The following NPLOC4 variants were observed in gnomAD, a reference collection of about 807,000 sequenced individuals.
NPLOC4 encodes the protein NPL4 homolog, ubiquitin recognition factor.
A neutral mutation model predicts 80.6 loss-of-function variants in NPLOC4; 18 were observed. The ratio of observed to expected loss-of-function variants is 0.22; its 90% CI spans 0.15 to 0.33. NPLOC4 has a LOEUF of 0.33. Among genes scored for constraint, NPLOC4 ranks in the 10% least tolerant of loss-of-function variants. The pLI is 1.00. For synonymous variants in NPLOC4, 313 were observed against 301.5 expected (o/e 1.04, Z -0.39); for missense variants, 540 against 786.1 (o/e 0.69, Z 3.74).
rs1181609765 is a variant in NPLOC4, at chr17:81,589,501, G to A, written c.1121-397C>T. ...TGCAGTGAGCCGAGATTGTGCCGCTGCACTCCAGCCTGGGTGACAGACTCC... is the reference window on the plus strand; with the variant it reads ...TGCAGTGAGCCGAGATTGTGCCGCTACACTCCAGCCTGGGTGACAGACTCC... On this transcript the variant is annotated intron_variant, in intron 11 of 16. Coordinates refer to ENST00000331134, the MANE Select transcript of NPLOC4 (RefSeq NM_017921.4). Among the ~76,000 whole-genome samples, 3 of 149,756 alleles carry A rather than the reference G, an allele frequency of 2.0e-5. No individual in the cohort carries two copies. In the East Asian group the frequency reaches 5.9e-4, roughly 29 times the overall value.
At chr17:81,636,530 G>A (rs947108702) in intron 1 of NPLOC4, 7 of 179,512 alleles carry the variant, frequency 3.9e-5, no homozygotes, top group Admixed American at 1.9e-4. Context: ...TAGGATAAGA[G>A]GTGTCCCTGG....
chr17:81,615,203 G>A (rs371526150), intron 3 of NPLOC4, among the ~76,000 whole-genome samples: 9 of 149,302 alleles, frequency 6.0e-5, no homozygotes, highest in East Asian at 2.0e-4. Context: ...GGGTTTAAGC[G>A]ATTCTCCTGC....
At chr17:81,626,972 C>T (rs1453797745) in intron 2 of NPLOC4, among the ~76,000 whole-genome samples, 1 of 151,912 alleles carries the variant, frequency 6.6e-6, no homozygotes, top group Non-Finnish European at 1.5e-5. Context: ...AGCCTGTAGT[C>T]CCAGCTACTC....
intron 16 of NPLOC4, chr17:81,564,687 C>G (rs1228541725): frequency 6.6e-6 from 1 of 151,484 alleles, no homozygotes; most frequent in East Asian, 1.9e-4. Flanking sequence ...ACTCAGGAGG[C>G]TGAGGCAGGA....
intron 16 of NPLOC4, chr17:81,562,667 G>A (rs2033884500): frequency 6.6e-6 from 1 of 152,184 alleles, no homozygotes; most frequent in Non-Finnish European, 1.5e-5. Context: ...TTAAAGAGTT[G>A]GCTGGACATG....
At chr17:81,614,659 G>A (rs1324744923) in intron 3 of NPLOC4, among the ~76,000 whole-genome samples, 1 of 151,558 alleles carries the variant, frequency 6.6e-6, no homozygotes, top group Non-Finnish European at 1.5e-5. Context: ...TCAGTCTGAA[G>A]TGTGTTCTTC....
At chr17:81,591,075 G>A (rs1193800219) in intron 11 of NPLOC4, among the ~76,000 whole-genome samples, 1 of 152,194 alleles carries the variant, frequency 6.6e-6, no homozygotes, top group Non-Finnish European at 1.5e-5. Context: ...CTCAGAGGGA[G>A]CAGAGGCAAA....
chr17:81,571,285 G>A (rs1336032120), intron 13 of NPLOC4, among the ~76,000 whole-genome samples: 2 of 152,186 alleles, frequency 1.3e-5, no homozygotes, highest in African/African-American at 4.8e-5. Context: ...CGTCCGCTTT[G>A]GACAGAGCTC....
chr17:81,559,213 G>A lies in NPLOC4; in HGVS notation c.*46C>T, dbSNP rs1265859074. On this transcript the variant is annotated 3_prime_UTR_variant, in exon 17 of 17. Coordinates refer to ENST00000331134, the MANE Select transcript of NPLOC4 (RefSeq NM_017921.4). ...CACTCAGCAACGCTTCTGGCTTCAG[G>A]AAGGGCTGGGCTGGGCCCGGTCCTA... 1.3e-6 allele frequency: 2 copies of A among 1,543,748 alleles called. No homozygotes were observed. Among genetic ancestry groups the A allele is most frequent in the Non-Finnish European group, 1.7e-6 (2 of 1,143,938 alleles).
At chr17:81,636,854 G>A in intron 1 of NPLOC4, 62 bp downstream of exon 1, 1 of 1,377,614 alleles carries the variant, frequency 7.3e-7, no homozygotes, top group Non-Finnish European at 9.4e-7. Flanking sequence ...CCCACAGGCC[G>A]AGGCCGGCAA....
rs934144759 is a variant in NPLOC4, at chr17:81,572,645, C to T, written c.1282-557G>A. On this transcript the variant is annotated intron_variant, in intron 12 of 16. Transcript: ENST00000331134. The surrounding 1 kb of genome is among the most constrained non-coding windows in gnomAD (Gnocchi z 4.5). ...AGTCGTGCTCTCGGGCACTGGGACT[C>T]CCCACTGGGAGAGCACATCAAATGC... Among the ~76,000 whole-genome samples the T allele has an allele frequency of 6.6e-6, 1 of 152,242 alleles. No individual in the cohort carries two copies.
chr17:81,636,696 A>T (rs1322405882), intron 1 of NPLOC4, among the ~76,000 whole-genome samples: 1 of 152,082 alleles, frequency 6.6e-6, no homozygotes, highest in Non-Finnish European at 1.5e-5. Context: ...AGGGCGGGGA[A>T]CCGGGGTCGT....
intron 8 of NPLOC4, among the ~76,000 whole-genome samples, chr17:81,602,934 TATATATATACACACAC>T (rs1445470209): frequency 1.4e-5 from 2 of 146,604 alleles, no homozygotes; most frequent in Admixed American, 6.8e-5. Flanking sequence ...CACACACACA[TATATATATACACACAC>T]ATATATATAC....
At chr17:81,621,337 A>G (rs1038413693) in intron 3 of NPLOC4, among the ~76,000 whole-genome samples, 2 of 152,194 alleles carry the variant, frequency 1.3e-5, no homozygotes, top group Admixed American at 1.3e-4. Flanking sequence ...TAGACATAGT[A>G]ATTTGTGAAT....
intron 1 of NPLOC4, 138 bp from the exon 2 acceptor site, chr17:81,629,943 C>T: frequency 1.6e-6 from 1 of 640,214 alleles, no homozygotes; most frequent in South Asian, 1.9e-5. Flanking sequence ...TTTCAATACC[C>T]AGCTCAATCC....
intron 7 of NPLOC4, among the ~76,000 whole-genome samples, chr17:81,605,294 A>AAAT (rs371762798): frequency 1.1e-4 from 5 of 47,238 alleles, no homozygotes; most frequent in African/African-American, 2.1e-4. Context: ...AAAAAAAAAT[A>AAAT]AATAATAATA....
chr17:81,614,568 GGTTTCTGCTTGTCTCTGAAGCTACTGAC>G (rs56368424), intron 3 of NPLOC4, among the ~76,000 whole-genome samples: 82,216 of 151,330 alleles, frequency 0.54, 23,429 homozygotes, highest in East Asian at 0.77. Context: ...CAGACTTAAG[GGTTTCTGCTTGTCTCTGAAGCTACTGAC>G]GTACTGCTTT....
intron 8 of NPLOC4, among the ~76,000 whole-genome samples, chr17:81,602,940 T>TAA (rs2035099626): frequency 6.7e-6 from 1 of 149,832 alleles, no homozygotes; most frequent in Admixed American, 6.7e-5. Context: ...CACATATATA[T>TAA]ATACACACAC....
chr17:81,589,463 G>A (rs536858763), intron 11 of NPLOC4, among the ~76,000 whole-genome samples: 31 of 151,914 alleles, frequency 2.0e-4, no homozygotes, highest in African/African-American at 6.5e-4. Context: ...GCGTGAACCC[G>A]GGAGGTGGAG....
Sources: allele counts gnomAD v4.1 joint callset (sites outside exome capture counted in the v4.1 genomes callset), GRCh38; gene constraint gnomAD v4.1.1; non-coding constraint Gnocchi (gnomAD v3.1); transcripts MANE v1.5; gene names NCBI Gene and HGNC (gene_info 2026-07-23, HGNC 2026-07-21).